The following BMP2K variants were observed in gnomAD, a reference collection of about 807,000 sequenced individuals.
The protein encoded by BMP2K is BMP2 inducible kinase.
A neutral mutation model predicts 116.0 loss-of-function variants in BMP2K; 74 were observed. The observed-to-expected ratio is 0.64, with a 90% confidence interval of 0.53 to 0.77. The LOEUF (loss-of-function observed/expected upper bound fraction) is 0.77, where lower values mean the gene tolerates loss of function less well. Among genes scored for constraint, BMP2K ranks in the 30% least tolerant of loss-of-function variants. BMP2K has a pLI of 0.00. For synonymous variants in BMP2K, 486 were observed against 502.5 expected (o/e 0.97, Z 0.44); for missense variants, 1,365 against 1,403.6 (o/e 0.97, Z 0.44).
At chr4:78,798,315 G>A (rs936663506) in intron 1 of BMP2K, among the ~76,000 whole-genome samples, 3 of 152,306 alleles carry the variant, frequency 2.0e-5, no homozygotes, top group East Asian at 3.9e-4. Flanking sequence ...GTTGAAAGAA[G>A]CGAGAAATGG....
intron 13 of BMP2K, among the ~76,000 whole-genome samples, chr4:78,875,275 C>G (rs1732577333): frequency 6.6e-6 from 1 of 152,184 alleles, no homozygotes; most frequent in African/African-American, 2.4e-5. Context: ...ATGTTTGTCT[C>G]TCAGTGGATA....
intron 7 of BMP2K, 189 bp from the exon 8 acceptor site, chr4:78,859,395 C>CATTAAAAAA: frequency 2.8e-5 from 12 of 423,684 alleles, no homozygotes; most frequent in South Asian, 2.8e-4. Context: ...CTACCCTTAG[C>CATTAAAAAA]TTGGGATAAT....
chr4:78,794,025 C>T (rs1417776878), intron 1 of BMP2K, among the ~76,000 whole-genome samples: 1 of 152,138 alleles, frequency 6.6e-6, no homozygotes, highest in Non-Finnish European at 1.5e-5. Context: ...GGTTCATAAA[C>T]ATCCATGTGC....
rs556254473 is a variant in BMP2K, at chr4:78,854,235, A to G, written c.883+3179A>G. Among the ~76,000 whole-genome samples the G allele has an allele frequency of 2.1e-4, 31 of 144,732 alleles. 1 individual carries two copies. The South Asian group carries it at 6.7e-3, about 31-fold the overall frequency. 94.9% of individuals were successfully genotyped at this position (144,732 alleles called of 152,430 possible). ...TTATGGTTTCTTTATCTTTGCTCTT[A>G]AGAGCTCATCTATTGGGGCTAAATT... On this transcript the variant is annotated intron_variant, in intron 7 of 15. Coordinates refer to ENST00000502613, the MANE Select transcript of BMP2K (RefSeq NM_198892.2).
intron 15 of BMP2K, among the ~76,000 whole-genome samples, chr4:78,888,768 G>A (rs547136837): frequency 6.6e-6 from 1 of 152,162 alleles, no homozygotes; most frequent in Admixed American, 6.5e-5. Context: ...TAGATTTTAA[G>A]CTAATTGAGG....
At chr4:78,832,063 A>G (rs976381444) in intron 2 of BMP2K, among the ~76,000 whole-genome samples, 17 of 152,142 alleles carry the variant, frequency 1.1e-4, no homozygotes, top group African/African-American at 3.9e-4. Flanking sequence ...AACACAATTT[A>G]TTTATCATTC....
chr4:78,831,358 T>C (rs983687399), intron 2 of BMP2K, among the ~76,000 whole-genome samples: 2 of 152,214 alleles, frequency 1.3e-5, no homozygotes, highest in Non-Finnish European at 2.9e-5. Context: ...ACTGAGCACA[T>C]GCTATTGGAA....
chr4:78,907,421 T>C (rs1734340996), intron 15 of BMP2K, among the ~76,000 whole-genome samples: 1 of 152,196 alleles, frequency 6.6e-6, no homozygotes. Flanking sequence ...CGAATTTAAA[T>C]TCACTTCCAA....
At chr4:78,844,811 G>C in intron 4 of BMP2K, 117 bp from the exon 5 acceptor site, 2 of 827,684 alleles carry the variant, frequency 2.4e-6, no homozygotes, top group Non-Finnish European at 3.9e-6. Context: ...TATACCCTTC[G>C]GTGTTTATTG....
intron 4 of BMP2K, among the ~76,000 whole-genome samples, 168 bp from the exon 5 acceptor site, chr4:78,844,760 G>GTA (rs901920178): frequency 2.6e-5 from 4 of 151,610 alleles, no homozygotes; most frequent in South Asian, 2.1e-4. Flanking sequence ...GCACATATAT[G>GTA]TATATATATG....
chr4:78,778,510 A>G (rs1263533432), intron 1 of BMP2K, among the ~76,000 whole-genome samples: 1 of 152,214 alleles, frequency 6.6e-6, no homozygotes, highest in East Asian at 1.9e-4. Context: ...GACTGAAGAA[A>G]TCCTTTTAGA....
intron 4 of BMP2K, among the ~76,000 whole-genome samples, chr4:78,843,569 G>A (rs116335259): frequency 0.01 from 1,541 of 151,904 alleles, 11 homozygotes; most frequent in Non-Finnish European, 0.014. Context: ...ATTATAAAAT[G>A]CTTGTAAGAT....
Position 78,916,077 on chromosome 4 carries a change from A to T in BMP2K, c.*4044A>T, listed in dbSNP as rs1735032720. ...TTTATTGTATTTCTACTTGTTACAA[A>T]ACATACTTGCTAAAGTAACTTCAGT... On this transcript the variant is annotated 3_prime_UTR_variant, in exon 16 of 16. Coordinates refer to ENST00000502613, the MANE Select transcript of BMP2K (RefSeq NM_198892.2). 6.6e-6 allele frequency: 1 copy of T among 151,944 alleles called. No homozygotes were observed. 9.4% of individuals were successfully genotyped at this position (151,944 alleles called of 1,614,324 possible).
At chr4:78,800,470 T>C (rs1243338940) in intron 1 of BMP2K, among the ~76,000 whole-genome samples, 2 of 152,212 alleles carry the variant, frequency 1.3e-5, no homozygotes, top group Non-Finnish European at 2.9e-5. Flanking sequence ...CATTCAGTAA[T>C]ACAAATTTTG....
rs192501221 is a variant in BMP2K at position 78,812,035 on chromosome 4, A to T, written c.179-14002A>T. Among the ~76,000 whole-genome samples the T allele has an allele frequency of 6.0e-3, 917 of 152,118 alleles. 11 individuals are homozygous for T. Among genetic ancestry groups the T allele is most frequent in the African/African-American group, 0.02 (828 of 41,496 alleles). ...ATCACCCAGGCTAGAGTGGAGTGGC[A>T]TGAACTCGGCTTACTGCAACCTCCA... On this transcript the variant is annotated intron_variant, in intron 1 of 15. Transcript: ENST00000502613.
At chr4:78,808,491 C>T (rs1218566094) in intron 1 of BMP2K, among the ~76,000 whole-genome samples, 1 of 152,076 alleles carries the variant, frequency 6.6e-6, no homozygotes, top group Admixed American at 6.6e-5. Flanking sequence ...TGGTCTCAAT[C>T]TCCTGACCTT....
chr4:78,890,115 A>AAACTTTAT (rs1190041310), intron 15 of BMP2K, among the ~76,000 whole-genome samples: 3 of 152,140 alleles, frequency 2.0e-5, no homozygotes, highest in Non-Finnish European at 4.4e-5. Flanking sequence ...TTGTAAATTG[A>AAACTTTAT]AACTTTATTA....
intron 15 of BMP2K, among the ~76,000 whole-genome samples, chr4:78,892,549 T>C (rs1397494518): frequency 6.6e-6 from 1 of 152,236 alleles, no homozygotes; most frequent in Non-Finnish European, 1.5e-5. Context: ...TATTGACATA[T>C]GCTAAAATTT....
intron 1 of BMP2K, among the ~76,000 whole-genome samples, chr4:78,813,760 A>G (rs1454356208): frequency 6.6e-6 from 1 of 151,992 alleles, no homozygotes; most frequent in Non-Finnish European, 1.5e-5. Flanking sequence ...CCTTCTCCCA[A>G]CACAATTTTC....
Sources: gnomAD v4.1 joint callset for allele counts (sites outside exome capture counted in the v4.1 genomes callset) on GRCh38, gnomAD v4.1.1 for gene constraint, MANE v1.5 for transcripts, NCBI Gene and HGNC (gene_info 2026-07-23, HGNC 2026-07-21) for gene names.